Variants in PLD2 observed in about 807,000 individuals in gnomAD.
The protein encoded by PLD2 is choline phosphatase 2.
A neutral mutation model predicts 119.8 loss-of-function variants in PLD2; 101 were observed. That is an observed-to-expected ratio of 0.84 (90% CI 0.72 to 0.99). The LOEUF (loss-of-function observed/expected upper bound fraction) is 0.99, where lower values mean the gene tolerates loss of function less well. Ranked by LOEUF, PLD2 falls within the 50% of genes least tolerant of loss-of-function variation. The pLI is 0.00. For missense variants in PLD2, 1,164 were observed against 1,226.8 expected (o/e 0.95, Z 0.76); for synonymous variants, 494 against 482.8 (o/e 1.02, Z -0.30).
chr17:4,809,167 G>T lies in PLD2; in HGVS notation c.451G>T (p.Gly151Cys), dbSNP rs1477450842. 9.3e-6 allele frequency: 15 copies of T among 1,614,096 alleles called. No individual in the cohort carries two copies. Among genetic ancestry groups the T allele is most frequent in the Non-Finnish European group, 1.0e-5 (12 of 1,180,044 alleles). Reference protein sequence around the residue: ...NREMPSLPRAGPEGSTRHAAS... With the variant: ...NREMPSLPRACPEGSTRHAAS... Reference sequence around the variant, plus strand: ...AGAGATGCCCTCTCTACCCCGGGCAGGTCCTGAGGGCTCCACCAGACATGC... The same window carrying T: ...AGAGATGCCCTCTCTACCCCGGGCATGTCCTGAGGGCTCCACCAGACATGC... The change falls in exon 5 of 25, where the codon GGT (glycine) becomes TGT (cysteine). Residue 151 changes from glycine (G) to cysteine (C), a missense_variant. Gly to Cys is a radical substitution (Grantham distance 159). Coordinates refer to ENST00000263088, the MANE Select transcript of PLD2 (RefSeq NM_002663.5).
chr17:4,816,577 A>G (rs1469289184), intron 14 of PLD2, 43 bp from the exon 15 acceptor site: 16 of 1,608,860 alleles, frequency 9.9e-6, no homozygotes, highest in African/African-American at 1.3e-5. Flanking sequence ...GTACAGCCCC[A>G]TGACTTCCCC....
intron 23 of PLD2, among the ~76,000 whole-genome samples, chr17:4,821,059 T>C (rs912034617): frequency 4.0e-5 from 6 of 150,080 alleles, no homozygotes; most frequent in East Asian, 2.0e-4. Context: ...CCCGCCACCA[T>C]GCCCAGCTAA....
intron 23 of PLD2, among the ~76,000 whole-genome samples, chr17:4,820,272 T>G (rs565698092): frequency 0.024 from 3,609 of 147,762 alleles, 159 homozygotes; most frequent in African/African-American, 0.083. Flanking sequence ...TTGTTGTTGT[T>G]GTTGTTGTTG....
rs761637159 is a variant in PLD2, at chr17:4,814,543, C to G, written c.1094+42C>G. ...CCCAACAACATGGGGCAGGATAGAG[C>G]CTGGGGCAGATCAGCATTAGGAGGA... On this transcript the variant is annotated intron_variant, in intron 11 of 24. Transcript: ENST00000263088. 7 of 1,612,438 alleles carry G rather than the reference C, an allele frequency of 4.3e-6. No homozygotes were observed. In the South Asian group the frequency reaches 7.7e-5, roughly 18 times the overall value.
chr17:4,814,411 C>G lies in PLD2; in HGVS notation c.1011-7C>G, dbSNP rs745322194. 6.8e-6 allele frequency: 11 copies of G among 1,607,368 alleles called. No individual in the cohort carries two copies. The highest frequency in any genetic ancestry group is 4.0e-4 in the Middle Eastern group (2 of 4,964). ...CCCCTGACCTCCTTGGCTTGGCCTC[C>G]CCCCAGGTTTGTGAATGGGGCAGGT... On this transcript the variant is annotated splice_polypyrimidine_tract_variant and splice_region_variant and intron_variant, in intron 10 of 24. Transcript: ENST00000263088.
chr17:4,816,733 C>T lies in PLD2; in HGVS notation c.1569C>T (p.Asp523=). The T allele has an allele frequency of 6.2e-7, 1 of 1,614,184 alleles. No homozygotes were observed. Among genetic ancestry groups the T allele is most frequent in the Non-Finnish European group, 8.5e-7 (1 of 1,180,042 alleles). Residue 523 remains aspartate (D), a synonymous_variant, in exon 15 of 25, where the codon GAC becomes GAT. Transcript: ENST00000263088. ...NLITKDWVQL[D]RPFEDFIDRE... is the part of the protein sequence containing the mutation. ...TCACCAAGGACTGGGTGCAGCTGGACCGGCCTTTCGAAGGTGAAGCCTCCC... is the reference window on the plus strand; with the variant it reads ...TCACCAAGGACTGGGTGCAGCTGGATCGGCCTTTCGAAGGTGAAGCCTCCC...
Position 4,808,428 on chromosome 17 carries a change from C to T in PLD2, c.383+12C>T, listed in dbSNP as rs372970328. The T allele has an allele frequency of 5.6e-6, 9 of 1,611,876 alleles. No individual in the cohort carries two copies. The African/African-American group carries it at 6.7e-5, about 12-fold the overall frequency. On this transcript the variant is annotated intron_variant, in intron 4 of 24. Transcript: ENST00000263088. The surrounding 1 kb of genome is among the most constrained non-coding windows in gnomAD (Gnocchi z 4.1). ...CTCCCTCTGGCTCGGTGAGGGCGAC[C>T]GGACTGCTTCCTGTAGAGGGCAGGT...
At position 4,816,746 on chromosome 17, in the gene PLD2, G is replaced by A; in HGVS notation, c.1582G>A (p.Asp528Asn). 1.2e-6 allele frequency: 2 copies of A among 1,614,192 alleles called. No individual in the cohort carries two copies. Among genetic ancestry groups the A allele is most frequent in the Non-Finnish European group, 1.7e-6 (2 of 1,180,034 alleles). ...GGTGCAGCTGGACCGGCCTTTCGAAGGTGAAGCCTCCCACCCGCCAAAGCC... is the reference window on the plus strand; with the variant it reads ...GGTGCAGCTGGACCGGCCTTTCGAAAGTGAAGCCTCCCACCCGCCAAAGCC... ...DWVQLDRPFEDFIDRETTPRM... is the reference protein window; with the variant it reads ...DWVQLDRPFENFIDRETTPRM... Residue 528 changes from aspartate to asparagine, a missense_variant and splice_region_variant, in exon 15 of 25, where the codon GAT becomes AAT. Asp to Asn is a conservative substitution (Grantham distance 23, BLOSUM62 1). Coordinates refer to ENST00000263088, the MANE Select transcript of PLD2 (RefSeq NM_002663.5).
At position 4,809,158 on chromosome 17, in the gene PLD2, C is replaced by A; in HGVS notation, c.442C>A (p.Pro148Thr). Residue 148 changes from proline (P) to threonine (T), a missense_variant, in exon 5 of 25, where the codon CCC becomes ACC. Transcript: ENST00000263088. The stretch of plus-strand genomic sequence containing the variant: ...AGGCAACAGAGAGATGCCCTCTCTA[C>A]CCCGGGCAGGTCCTGAGGGCTCCAC... The part of the protein sequence containing the change: ...DAGNREMPSL[P>T]RAGPEGSTRH... 2 of 1,614,202 alleles carry A rather than the reference C, an allele frequency of 1.2e-6. No individual in the cohort carries two copies. The highest frequency in any genetic ancestry group is 1.3e-5 in the African/African-American group (1 of 75,054).
chr17:4,818,805 C>T lies in PLD2; in HGVS notation c.2155C>T (p.His719Tyr), dbSNP rs1907317605. The change falls in exon 21 of 25, where the codon CAT becomes TAT. Residue 719 changes from histidine to tyrosine, a missense_variant. Physicochemically the swap from His to Tyr is moderately conservative, Grantham distance 83 (BLOSUM62 2). Transcript: ENST00000263088. Reference protein sequence around the residue: ...TLCRGEYSILHRLKAAMGTAW... With the variant: ...TLCRGEYSILYRLKAAMGTAW... ...GTGTCGTGGGGAGTATTCAATCCTGCATCGCCTTAAAGCAGCCAGTGAGTG... is the reference window on the plus strand; with the variant it reads ...GTGTCGTGGGGAGTATTCAATCCTGTATCGCCTTAAAGCAGCCAGTGAGTG... 6.2e-7 allele frequency: 1 copy of T among 1,614,194 alleles called. No homozygotes were observed. Among genetic ancestry groups the T allele is most frequent in the Non-Finnish European group, 8.5e-7 (1 of 1,180,014 alleles).
Position 4,823,286 on chromosome 17 carries a change from TG to T in PLD2, c.*424del, listed in dbSNP as rs1395838740. The T allele has an allele frequency of 6.1e-6, 1 of 163,492 alleles. No homozygotes were observed. The highest frequency in any genetic ancestry group is 2.4e-5 in the African/African-American group (1 of 41,806). The allele number at this position is 163,492 out of a possible 1,614,324, so 10.1% of individuals were successfully genotyped here. ...CCCTCCCAGCCCATTGCTGCCAAGG[TG>T]GAGGGAAGGATAAAGCCACTTCTGG... On this transcript the variant is annotated 3_prime_UTR_variant, in exon 25 of 25. Transcript: ENST00000263088.
chr17:4,819,143 G>A lies in PLD2; in HGVS notation c.2233G>A (p.Gly745Ser), dbSNP rs564268102. 8 of 1,614,178 alleles carry A rather than the reference G, an allele frequency of 5.0e-6. No homozygotes were observed. In the African/African-American group the frequency reaches 1.1e-4, roughly 22 times the overall value. ...ICGLRTHGEL[G>S]GHPVSELIYI... ...CGGGCTTCGTACACACGGAGAGCTGGGCGGGCACCCCGTCTCGGAGCTCAT... is the reference window on the plus strand; with the variant it reads ...CGGGCTTCGTACACACGGAGAGCTGAGCGGGCACCCCGTCTCGGAGCTCAT... Residue 745 changes from glycine to serine, a missense_variant, in exon 22 of 25, where the codon GGC becomes AGC. Coordinates refer to ENST00000263088, the MANE Select transcript of PLD2 (RefSeq NM_002663.5). The surrounding 1 kb of genome is among the most constrained non-coding windows in gnomAD (Gnocchi z 4.2).
chr17:4,819,007 C>T lies in PLD2; in HGVS notation c.2174-77C>T. 6.3e-7 allele frequency: 1 copy of T among 1,585,452 alleles called. No homozygotes were observed. The highest frequency in any genetic ancestry group is 8.6e-7 in the Non-Finnish European group (1 of 1,161,582). On this transcript the variant is annotated intron_variant, in intron 21 of 24. Coordinates refer to ENST00000263088, the MANE Select transcript of PLD2 (RefSeq NM_002663.5). This position sits in a 1 kb window ranked among gnomAD's most constrained non-coding sequence, Gnocchi z 4.2. Reference sequence around the variant, plus strand: ...ACCAGACTCTATGTAGGAAGAGTTTCTGGAGTGAGAGGAGGTGGGACAGGG... The same window carrying T: ...ACCAGACTCTATGTAGGAAGAGTTTTTGGAGTGAGAGGAGGTGGGACAGGG...
rs1039118381 is a variant in PLD2, at chr17:4,807,698, G to A, written c.-1-74G>A. On this transcript the variant is annotated intron_variant, in intron 1 of 24. Transcript: ENST00000263088. This position sits in a 1 kb window ranked among gnomAD's most constrained non-coding sequence, Gnocchi z 5.4. ...AGAGGAGGATCTGGAAGAGATGGAG[G>A]ACCTGCGGGAGTTAGGATGGGGGGC... The A allele has an allele frequency of 5.6e-5, 45 of 805,308 alleles. 1 individual carries two copies. The highest frequency in any genetic ancestry group is 9.4e-5 in the Non-Finnish European group (45 of 479,724). The allele number at this position is 805,308 out of a possible 1,614,324, so 49.9% of individuals were successfully genotyped here. A position where few individuals can be genotyped will look rare whatever the true frequency, so the allele number is the denominator to read the frequency against.
At chr17:4,818,642 C>G (rs1907296114) in intron 20 of PLD2, 35 bp downstream of exon 20, 2 of 1,559,400 alleles carry the variant, frequency 1.3e-6, no homozygotes, top group East Asian at 2.2e-5. Context: ...TCTCAGTGGC[C>G]CCATCCCACC....
chr17:4,821,880 T>C lies in PLD2; in HGVS notation c.2550T>C (p.Ala850=), dbSNP rs772737239. 10 of 1,613,340 alleles carry C rather than the reference T, an allele frequency of 6.2e-6. No individual in the cohort carries two copies. Among genetic ancestry groups the C allele is most frequent in the Non-Finnish European group, 8.5e-6 (10 of 1,179,620 alleles). Residue 850 remains alanine (A), a synonymous_variant, in exon 24 of 25, where the codon GCT becomes GCC. Transcript: ENST00000263088. Reference sequence around the variant, plus strand: ...TCTTCCAGTTGTGGCAAGACATGGCTGAGAGCAACGCCAATATCTATGAGC... The same window carrying C: ...TCTTCCAGTTGTGGCAAGACATGGCCGAGAGCAACGCCAATATCTATGAGC... ...DDFFQLWQDM[A]ESNANIYEQI...
intron 9 of PLD2, among the ~76,000 whole-genome samples, chr17:4,810,366 C>T (rs932737498): frequency 6.6e-5 from 10 of 152,088 alleles, no homozygotes; most frequent in Non-Finnish European, 1.0e-4. Context: ...TGGATATGGC[C>T]GGGCGCGGTG....
chr17:4,817,299 C>T (rs898510538), intron 17 of PLD2, 40 bp downstream of exon 17: 1 of 1,312,480 alleles, frequency 7.6e-7, no homozygotes. Context: ...CCTTTGTCTC[C>T]TTCAGCCTAA....
chr17:4,810,435 A>G (rs1024741481), intron 9 of PLD2, among the ~76,000 whole-genome samples: 4 of 152,036 alleles, frequency 2.6e-5, no homozygotes, highest in African/African-American at 9.7e-5. Flanking sequence ...ACCTGAGGTC[A>G]GGAGTTCGAG....
Sources: allele counts gnomAD v4.1 joint callset (sites outside exome capture counted in the v4.1 genomes callset), GRCh38; gene constraint gnomAD v4.1.1; non-coding constraint Gnocchi (gnomAD v3.1); transcripts MANE v1.5; gene names NCBI Gene and HGNC (gene_info 2026-07-23, HGNC 2026-07-21).